The following PHF21A variants were observed in gnomAD, a reference collection of about 807,000 sequenced individuals.
PHF21A encodes the protein PHD finger protein 21A.
In PHF21A, 11 loss-of-function variants were observed where a neutral mutation model predicts 82.5. The observed-to-expected ratio is 0.13, with a 90% CI of 0.08 to 0.22. PHF21A has a LOEUF of 0.22. Among genes scored for constraint, PHF21A ranks in the 10% least tolerant of loss-of-function variants. The probability of loss-of-function intolerance (pLI) is 1.00; values close to 1 mark genes in which losing one functional copy is unlikely to be tolerated. For missense variants in PHF21A, 579 were observed against 837.8 expected, an observed-to-expected ratio of 0.69 and a Z score of 3.81; for synonymous variants, 297 against 302.8, an observed-to-expected ratio of 0.98 and a Z score of 0.20.
At chr11:46,074,331 A>G (rs920237926) in intron 6 of PHF21A, among the ~76,000 whole-genome samples, 1 of 152,090 alleles carries the variant, frequency 6.6e-6, no homozygotes, top group Admixed American at 6.6e-5. Flanking sequence ...TGTATTTTAA[A>G]TTTTTCTAAC....
intron 18 of PHF21A, chr11:45,935,044 T>C: frequency 8.8e-7 from 1 of 1,136,142 alleles, no homozygotes; most frequent in Non-Finnish European, 1.2e-6. Flanking sequence ...GCTCCTTGCC[T>C]GGGAGAAGCC....
At chr11:46,086,586 C>T (rs1275418458) in intron 3 of PHF21A, among the ~76,000 whole-genome samples, 1 of 152,118 alleles carries the variant, frequency 6.6e-6, no homozygotes, top group Non-Finnish European at 1.5e-5. Flanking sequence ...AAATAATCTC[C>T]CTACTCAAAT....
At chr11:46,118,554 A>AT (rs1331927048) in intron 1 of PHF21A, among the ~76,000 whole-genome samples, 3 of 152,232 alleles carry the variant, frequency 2.0e-5, no homozygotes, top group Admixed American at 1.3e-4. Flanking sequence ...AAGTACAGAA[A>AT]TTTTTTTATA....
At chr11:46,097,096 T>G (rs1056437360) in intron 1 of PHF21A, among the ~76,000 whole-genome samples, 3 of 152,120 alleles carry the variant, frequency 2.0e-5, no homozygotes, top group Non-Finnish European at 4.4e-5. Flanking sequence ...ACCACCTCCC[T>G]GGTCCAAGTC....
At chr11:45,996,665 T>G (rs2094919648) in intron 6 of PHF21A, among the ~76,000 whole-genome samples, 1 of 152,214 alleles carries the variant, frequency 6.6e-6, no homozygotes, top group South Asian at 2.1e-4. Context: ...GCAGATAAAA[T>G]GAAAGGCAAT....
chr11:46,091,131 A>G (rs1250935809), intron 2 of PHF21A, among the ~76,000 whole-genome samples: 1 of 152,208 alleles, frequency 6.6e-6, no homozygotes, highest in African/African-American at 2.4e-5. Flanking sequence ...CCCAAAAGGA[A>G]GAGAGACACC....
intron 6 of PHF21A, among the ~76,000 whole-genome samples, chr11:46,061,596 T>C (rs1197974310): frequency 6.6e-6 from 1 of 152,240 alleles, no homozygotes; most frequent in Non-Finnish European, 1.5e-5. Context: ...CCAAAGAAAC[T>C]ATACAATGTC....
At chr11:45,958,243 A>G (rs555948787) in intron 10 of PHF21A, among the ~76,000 whole-genome samples, 2 of 150,352 alleles carry the variant, frequency 1.3e-5, no homozygotes, top group East Asian at 3.9e-4. Flanking sequence ...AAATCATTCT[A>G]TGAGGCCAGC....
intron 6 of PHF21A, among the ~76,000 whole-genome samples, chr11:45,988,165 G>GA (rs2094559441): frequency 6.6e-6 from 1 of 152,150 alleles, no homozygotes; most frequent in South Asian, 2.1e-4. Context: ...GATAATGTAG[G>GA]AAGTCACATT....
chr11:45,955,905 GC>G (rs1202955821), intron 10 of PHF21A, among the ~76,000 whole-genome samples: 1 of 152,172 alleles, frequency 6.6e-6, no homozygotes, highest in Non-Finnish European at 1.5e-5. Context: ...GGATTATTAA[GC>G]TGTAGCACAG....
intron 1 of PHF21A, among the ~76,000 whole-genome samples, chr11:46,105,941 T>C (rs1158751590): frequency 2.6e-5 from 4 of 152,224 alleles, no homozygotes; most frequent in African/African-American, 9.6e-5. Context: ...CATGACAATG[T>C]ATTTAATTAC....
At chr11:45,943,724 A>C (rs557159790) in intron 15 of PHF21A, among the ~76,000 whole-genome samples, 10 of 152,318 alleles carry the variant, frequency 6.6e-5, no homozygotes, top group Admixed American at 2.0e-4. Context: ...AGCTATCTCC[A>C]CCACAGGAAA....
intron 1 of PHF21A, among the ~76,000 whole-genome samples, chr11:46,108,277 ATTAC>A (rs1426252890): frequency 6.6e-6 from 1 of 152,036 alleles, no homozygotes. Flanking sequence ...TGCCTCCTAA[ATTAC>A]TTATATAGGA....
chr11:45,970,749 T>C (rs1046852458), intron 8 of PHF21A: 3 of 189,624 alleles, frequency 1.6e-5, no homozygotes, highest in Non-Finnish European at 3.3e-5. Context: ...AAGGCAGTAA[T>C]ACAGCACAAG....
chr11:45,987,854 C>A (rs2094550609), intron 6 of PHF21A, among the ~76,000 whole-genome samples: 1 of 152,006 alleles, frequency 6.6e-6, no homozygotes, highest in African/African-American at 2.4e-5. Context: ...TGGCTGTATC[C>A]CACAACCTAA....
intron 6 of PHF21A, among the ~76,000 whole-genome samples, chr11:45,991,982 C>G (rs1431779439): frequency 6.6e-6 from 1 of 152,104 alleles, no homozygotes; most frequent in African/African-American, 2.4e-5. Context: ...AGGATTATTA[C>G]CTATTGCCAG....
At chr11:45,939,256 C>T (rs1373474232) in intron 15 of PHF21A, among the ~76,000 whole-genome samples, 1 of 152,198 alleles carries the variant, frequency 6.6e-6, no homozygotes, top group Non-Finnish European at 1.5e-5. Flanking sequence ...TATCATAAAT[C>T]TTACAGGTAC....
intron 6 of PHF21A, among the ~76,000 whole-genome samples, chr11:46,007,647 T>C (rs933623078): frequency 3.9e-5 from 6 of 152,168 alleles, no homozygotes; most frequent in Admixed American, 3.3e-4. Context: ...TTACTGTTAA[T>C]TTTATTCACA....
At chr11:45,952,036 C>T (rs2092190901) in intron 11 of PHF21A, among the ~76,000 whole-genome samples, 3 of 152,080 alleles carry the variant, frequency 2.0e-5, no homozygotes, top group African/African-American at 7.2e-5. Flanking sequence ...AACTCCTGAC[C>T]TCAGGTGGTC....
Sources: allele counts gnomAD v4.1 joint callset (sites outside exome capture counted in the v4.1 genomes callset), GRCh38; gene constraint gnomAD v4.1.1; transcripts MANE v1.5; gene names NCBI Gene and HGNC (gene_info 2026-07-23, HGNC 2026-07-21).